The following CYP3A7 variants were observed in gnomAD, a reference collection of about 807,000 sequenced individuals.
The protein encoded by CYP3A7 is cytochrome P450 family 3 subfamily A member 7, also known as cytochrome P450 3A7.
CYP3A7 carries 45 observed loss-of-function variants against 55.2 expected under a neutral mutation model. That is an observed-to-expected ratio of 0.82 (90% CI 0.64 to 1.05). The LOEUF is 1.05. CYP3A7 is among the 50% of genes least tolerant of loss of function. The pLI, the probability that CYP3A7 is intolerant of heterozygous loss-of-function variation, is 0.00. For synonymous variants in CYP3A7, 180 were observed against 207.4 expected (o/e 0.87, Z 1.13); for missense variants, 548 against 605.3 (o/e 0.91, Z 0.99).
chr7:99,709,774 A>G (rs1332502529), intron 10 of CYP3A7, among the ~76,000 whole-genome samples: 49 of 150,274 alleles, frequency 3.3e-4, no homozygotes, highest in African/African-American at 8.0e-4. Flanking sequence ...TATTATATAT[A>G]TGTGTGTGTG....
Position 99,731,139 on chromosome 7 carries a change from T to A in CYP3A7, c.85A>T (p.Thr29Ser). Reference protein sequence around the residue: ...LILLYLYGTRTHGLFKKLGIP... With the variant: ...LILLYLYGTRSHGLFKKLGIP... ...CCAAGCTTCTTAAAAAGTCCATGTG[T>A]ACGGGTTCCATATCTACAAAGTGAA... The change falls in exon 2 of 13, where the codon ACA becomes TCA. Residue 29 changes from threonine (T) to serine (S), a missense_variant. Transcript: ENST00000336374. 3 of 1,613,778 alleles carry A rather than the reference T, an allele frequency of 1.9e-6. No individual in the cohort carries two copies. Among genetic ancestry groups the A allele is most frequent in the Non-Finnish European group, 2.5e-6 (3 of 1,179,780 alleles).
intron 1 of CYP3A7, 81 bp from the exon 2 acceptor site, chr7:99,731,233 T>G: frequency 6.6e-7 from 1 of 1,523,342 alleles, no homozygotes; most frequent in Non-Finnish European, 9.1e-7. Context: ...ACTGAGGAAC[T>G]GGAATGATCA....
intron 9 of CYP3A7, 44 bp from the exon 10 acceptor site, chr7:99,710,936 A>C (rs1813725994): frequency 1.2e-6 from 2 of 1,612,920 alleles, no homozygotes. Flanking sequence ...AGGTCAATGT[A>C]GGGCATCACA....
At chr7:99,709,309 C>T (rs1157249496) in intron 10 of CYP3A7, 48 bp from the exon 11 acceptor site, 1 of 1,589,904 alleles carries the variant, frequency 6.3e-7, no homozygotes. Context: ...TTTGAATTAA[C>T]TTTTAACTCA....
chr7:99,725,610 T>A (rs1236296020), intron 2 of CYP3A7, among the ~76,000 whole-genome samples: 1 of 152,236 alleles, frequency 6.6e-6, no homozygotes, highest in Non-Finnish European at 1.5e-5. Flanking sequence ...CCGTGCCCTG[T>A]CTGTGTGGGC....
chr7:99,719,081 T>C (rs1222689969), intron 4 of CYP3A7, among the ~76,000 whole-genome samples: 1 of 152,234 alleles, frequency 6.6e-6, no homozygotes, highest in Non-Finnish European at 1.5e-5. Flanking sequence ...TTTCCCTAAA[T>C]TGATCTATAC....
Position 99,717,633 on chromosome 7 carries a change from C to G in CYP3A7, c.325G>C (p.Gly109Arg). 1 of 1,613,380 alleles carries G rather than the reference C, an allele frequency of 6.2e-7. No homozygotes were observed. The highest frequency in any genetic ancestry group is 8.5e-7 in the Non-Finnish European group (1 of 1,179,632). Residue 109 changes from glycine to arginine, a missense_variant, in exon 5 of 13, where the codon GGG becomes CGG. By Grantham distance (125) the Gly-to-Arg change is moderately radical. Coordinates refer to ENST00000336374, the MANE Select transcript of CYP3A7 (RefSeq NM_000765.5). ...GCATTTTTCATAAATCCCACTGGCC[C>G]GAAAGGCTAGAGTTCAAAGCAGAAA... Reference protein sequence around the residue: ...YSVFTNRRPFGPVGFMKNAIS... With the variant: ...YSVFTNRRPFRPVGFMKNAIS...
At chr7:99,724,536 A>G (rs377368091) in intron 2 of CYP3A7, among the ~76,000 whole-genome samples, 2 of 151,850 alleles carry the variant, frequency 1.3e-5, no homozygotes, top group African/African-American at 4.8e-5. Flanking sequence ...CTCCTTTTCT[A>G]TGAACCCATC....
chr7:99,722,261 C>T (rs1474268680), intron 3 of CYP3A7, 35 bp downstream of exon 3: 2 of 1,612,796 alleles, frequency 1.2e-6, no homozygotes, highest in Middle Eastern at 1.7e-4. Context: ...ATCATAGAAA[C>T]AAGTCTATCC....
chr7:99,723,009 C>T lies in CYP3A7; in HGVS notation c.166-661G>A, dbSNP rs375464800. 5.9e-4 allele frequency among the ~76,000 whole-genome samples: 78 copies of T among 133,214 alleles called. 1 individual carries two copies. The highest frequency in any genetic ancestry group is 1.6e-3 in the Admixed American group (20 of 12,276). The allele number at this position is 133,214 out of a possible 152,430, so 87.4% of individuals were successfully genotyped here. A position where few individuals can be genotyped will look rare whatever the true frequency, so the allele number is the denominator to read the frequency against. ...AGACAGAAAATTATGACACTTGCTC[C>T]GAGTTTGCACTGAAACTTAAAAAAA... On this transcript the variant is annotated intron_variant, in intron 2 of 12. Coordinates refer to ENST00000336374, the MANE Select transcript of CYP3A7 (RefSeq NM_000765.5).
chr7:99,724,509 T>C (rs1397289374), intron 2 of CYP3A7, among the ~76,000 whole-genome samples: 5 of 152,060 alleles, frequency 3.3e-5, no homozygotes, highest in Non-Finnish European at 1.5e-5. Context: ...CACCCTAAGC[T>C]CTGAGTCCTT....
At chr7:99,709,291 T>C (rs753322860) in intron 10 of CYP3A7, 30 bp from the exon 11 acceptor site, 5 of 1,605,616 alleles carry the variant, frequency 3.1e-6, no homozygotes, top group East Asian at 2.2e-5. Flanking sequence ...TTTGGATAAA[T>C]TGAGATTTTT....
chr7:99,734,716 G>C (rs1487438833), intron 1 of CYP3A7, among the ~76,000 whole-genome samples: 1 of 151,016 alleles, frequency 6.6e-6, no homozygotes, highest in Non-Finnish European at 1.5e-5. Context: ...CCGCCTCCCA[G>C]GTTCAAGCAA....
intron 9 of CYP3A7, among the ~76,000 whole-genome samples, chr7:99,711,473 A>G (rs1343114907): frequency 7.9e-5 from 12 of 152,184 alleles, no homozygotes; most frequent in Non-Finnish European, 1.6e-4. Context: ...CTGTGACCTT[A>G]TTAGAAATGC....
chr7:99,724,611 T>C (rs1045378018), intron 2 of CYP3A7, among the ~76,000 whole-genome samples: 1 of 151,828 alleles, frequency 6.6e-6, no homozygotes, highest in African/African-American at 2.4e-5. Context: ...TTCTTCCTCA[T>C]CCTCTGCTCC....
At chr7:99,712,125 G>T (rs947995699) in intron 9 of CYP3A7, among the ~76,000 whole-genome samples, 1 of 152,080 alleles carries the variant, frequency 6.6e-6, no homozygotes, top group African/African-American at 2.4e-5. Context: ...GCCCATCACT[G>T]GTCTGTTTGA....
chr7:99,733,057 G>C (rs1814688603), intron 1 of CYP3A7, among the ~76,000 whole-genome samples: 1 of 152,212 alleles, frequency 6.6e-6, no homozygotes, highest in East Asian at 1.9e-4. Context: ...ACCCAGCAGA[G>C]ACAGCATAGC....
At chr7:99,732,245 G>C (rs931855588) in intron 1 of CYP3A7, among the ~76,000 whole-genome samples, 2 of 152,126 alleles carry the variant, frequency 1.3e-5, no homozygotes, top group African/African-American at 4.8e-5. Context: ...AGTCATGTAA[G>C]ATCTGCCTGC....
At chr7:99,717,417 T>G in intron 5 of CYP3A7, 109 bp downstream of exon 5, 1 of 1,582,794 alleles carries the variant, frequency 6.3e-7, no homozygotes, top group East Asian at 2.3e-5. Context: ...TTTAGGAAGC[T>G]CAAATTCAGC....
Sources: gnomAD v4.1 joint callset for allele counts (sites outside exome capture counted in the v4.1 genomes callset) on GRCh38, gnomAD v4.1.1 for gene constraint, MANE v1.5 for transcripts, NCBI Gene and HGNC (gene_info 2026-07-23, HGNC 2026-07-21) for gene names.